UACA: variants seen among roughly 807,000 people sequenced by gnomAD.
UACA encodes uveal autoantigen with coiled-coil domains and ankyrin repeats.
Under a neutral mutation model 160.5 loss-of-function variants are expected in UACA, and 112 were observed. The ratio of observed to expected loss-of-function variants is 0.70; its 90% CI spans 0.60 to 0.82. The LOEUF (loss-of-function observed/expected upper bound fraction) is 0.82, where lower values mean the gene tolerates loss of function less well. Among genes scored for constraint, UACA ranks in the 40% least tolerant of loss-of-function variants. The probability of loss-of-function intolerance (pLI) is 0.00; values close to 1 mark genes in which losing one functional copy is unlikely to be tolerated. For synonymous variants in UACA, 557 were observed against 568.4 expected, an observed-to-expected ratio of 0.98 and a Z score of 0.29; for missense variants, 1,574 against 1,614.6, an observed-to-expected ratio of 0.97 and a Z score of 0.43.
Position 70,763,239 on chromosome 15 carries a change from G to C in UACA, c.78+91C>G, listed in dbSNP as rs890174945. On this transcript the variant is annotated intron_variant, in intron 1 of 18. Transcript: ENST00000322954. ...CCGAAGCCGAACTGGCAGAGGAAAA[G>C]CAGAGGAAGGCGGCGCGCGAACTCG... The C allele has an allele frequency of 1.8e-5, 23 of 1,252,476 alleles. No individual in the cohort carries two copies. The African/African-American group carries it at 3.3e-4, about 18-fold the overall frequency. The allele number at this position is 1,252,476 out of a possible 1,614,324, so 77.6% of individuals were successfully genotyped here. A position where few individuals can be genotyped will look rare whatever the true frequency, so the allele number is the denominator to read the frequency against.
At chr15:70,736,093 T>C (rs147246089) in intron 1 of UACA, among the ~76,000 whole-genome samples, 15 of 152,368 alleles carry the variant, frequency 9.8e-5, no homozygotes, top group African/African-American at 3.1e-4. Context: ...AGTAATATTA[T>C]ACTGATAGAT....
chr15:70,666,682 G>A, intron 16 of UACA, 42 bp downstream of exon 16: 20 of 1,488,032 alleles, frequency 1.3e-5, no homozygotes, highest in Non-Finnish European at 1.8e-5. Flanking sequence ...GCACTGCTCT[G>A]GGGTTTCCAA....
intron 1 of UACA, among the ~76,000 whole-genome samples, chr15:70,708,722 C>T (rs183605526): frequency 9.6e-4 from 146 of 152,266 alleles, no homozygotes; most frequent in African/African-American, 3.3e-3. Context: ...CTGCCCACGT[C>T]GGCCTCCCAA....
At chr15:70,768,033 T>C (rs2031057795), upstream of UACA, 1 of 152,206 alleles carries the variant, frequency 6.6e-6, no homozygotes. Context: ...AATCTGTATT[T>C]TTAGTAAGCT....
chr15:70,690,625 G>C (rs918037491), intron 4 of UACA, 114 bp from the exon 5 acceptor site: 9 of 768,228 alleles, frequency 1.2e-5, no homozygotes, highest in Admixed American at 1.1e-4. Context: ...TATCAAAGAA[G>C]CTAAAGACTA....
At chr15:70,760,463 T>C (rs1477216622) in intron 1 of UACA, among the ~76,000 whole-genome samples, 2 of 152,146 alleles carry the variant, frequency 1.3e-5, no homozygotes, top group Non-Finnish European at 2.9e-5. Context: ...ATTTCCCTGA[T>C]ATAAAGTATA....
At chr15:70,775,004 A>G in the UACA span, among the ~76,000 whole-genome samples, 2 of 152,300 alleles carry the variant, frequency 1.3e-5, no homozygotes, top group East Asian at 3.9e-4. Flanking sequence ...GGCTGCAGTG[A>G]GCCGAGATCA....
intron 1 of UACA, among the ~76,000 whole-genome samples, chr15:70,710,461 C>T (rs1209663284): frequency 2.6e-5 from 4 of 152,286 alleles, no homozygotes; most frequent in African/African-American, 9.6e-5. Context: ...ACATCTGGGT[C>T]TCCTACAATT....
chr15:70,763,506 T>G lies in UACA; in HGVS notation c.-99A>C. On this transcript the variant is annotated 5_prime_UTR_variant, in exon 1 of 19. Transcript: ENST00000322954. ...CGGCTGCAGCAGAGGCGGCGCGGGCTGTACCAGCCCCACCTGCCTGCCACC... is the reference window on the plus strand; with the variant it reads ...CGGCTGCAGCAGAGGCGGCGCGGGCGGTACCAGCCCCACCTGCCTGCCACC... The G allele has an allele frequency of 8.0e-7, 1 of 1,251,584 alleles. No homozygotes were observed. The highest frequency in any genetic ancestry group is 3.6e-5 in the South Asian group (1 of 27,812). The allele number at this position is 1,251,584 out of a possible 1,614,324, so 77.5% of individuals were successfully genotyped here. A position where few individuals can be genotyped will look rare whatever the true frequency, so the allele number is the denominator to read the frequency against.
At chr15:70,691,510 T>C (rs771049492) in intron 3 of UACA, 147 bp from the exon 4 acceptor site, 15 of 585,654 alleles carry the variant, frequency 2.6e-5, no homozygotes, top group Non-Finnish European at 4.4e-5. Context: ...AGATGTTTCA[T>C]CTAGCTTGAT....
intron 13 of UACA, among the ~76,000 whole-genome samples, chr15:70,676,014 G>A (rs761920273): frequency 6.6e-6 from 1 of 152,126 alleles, no homozygotes; most frequent in Non-Finnish European, 1.5e-5. Flanking sequence ...CAGCATGAAC[G>A]GACTAAGGCA....
chr15:70,667,264 C>CTCTTCAGTT lies in UACA; in HGVS notation c.3419_3420insAACTGAAGA (p.Arg1140_Cys1141insThrGluGlu). ...CTGTCTGCTGCTCTTTCTCGTAACA[C>CTCTTCAGTT]CTTTGCATACTCTTCAGTTCTTCCT... On this transcript the variant is annotated inframe_insertion, in exon 16 of 19. Coordinates refer to ENST00000322954, the MANE Select transcript of UACA (RefSeq NM_018003.4). The CTCTTCAGTT allele has an allele frequency of 5.6e-6, 9 of 1,613,206 alleles. No individual in the cohort carries two copies. The highest frequency in any genetic ancestry group is 7.6e-6 in the Non-Finnish European group (9 of 1,179,804).
chr15:70,777,490 T>C, the UACA span, among the ~76,000 whole-genome samples: 1 of 151,890 alleles, frequency 6.6e-6, no homozygotes, highest in Admixed American at 6.6e-5. Flanking sequence ...TATCAACCAA[T>C]TGGAAGACAA....
At chr15:70,747,851 A>AG (rs1899758324) in intron 1 of UACA, among the ~76,000 whole-genome samples, 1 of 152,172 alleles carries the variant, frequency 6.6e-6, no homozygotes, top group Admixed American at 6.5e-5. Flanking sequence ...TTATTTATAT[A>AG]GAAAAAAATA....
intron 1 of UACA, among the ~76,000 whole-genome samples, chr15:70,760,248 G>A (rs1354478020): frequency 6.6e-6 from 1 of 151,878 alleles, no homozygotes; most frequent in Non-Finnish European, 1.5e-5. Flanking sequence ...AAAAAAACTA[G>A]AAGAAAGTTG....
intron 1 of UACA, among the ~76,000 whole-genome samples, chr15:70,756,414 G>A (rs2030434875): frequency 6.6e-6 from 1 of 151,442 alleles, no homozygotes; most frequent in East Asian, 2.0e-4. Context: ...GCCCACCTCG[G>A]CCTCCCAAAG....
the UACA span, among the ~76,000 whole-genome samples, chr15:70,768,624 A>G: frequency 2.0e-5 from 3 of 152,326 alleles, no homozygotes; most frequent in Non-Finnish European, 4.4e-5. Flanking sequence ...CAGGCTACTC[A>G]GCCTGGAGCC....
chr15:70,691,533 G>T (rs1566978086), intron 3 of UACA, among the ~76,000 whole-genome samples, 170 bp from the exon 4 acceptor site: 1 of 152,142 alleles, frequency 6.6e-6, no homozygotes, highest in Non-Finnish European at 1.5e-5. Flanking sequence ...TTTAGTAAGA[G>T]ATGATATACG....
intron 8 of UACA, 45 bp downstream of exon 8, chr15:70,684,220 T>C: frequency 3.3e-6 from 5 of 1,524,976 alleles, no homozygotes; most frequent in Non-Finnish European, 4.4e-6. Flanking sequence ...AAAAAGTGGC[T>C]CTTTGTTAAT....
Sources: gnomAD v4.1 joint callset for allele counts (sites outside exome capture counted in the v4.1 genomes callset) on GRCh38, gnomAD v4.1.1 for gene constraint, MANE v1.5 for transcripts, NCBI Gene and HGNC (gene_info 2026-07-23, HGNC 2026-07-21) for gene names.